Variants in PTPRN2 observed in about 807,000 individuals in gnomAD.
The protein encoded by PTPRN2 is receptor-type tyrosine-protein phosphatase N2.
PTPRN2 carries 74 observed loss-of-function variants against 118.8 expected under a neutral mutation model. The ratio of observed to expected loss-of-function variants is 0.62; its 90% CI spans 0.52 to 0.76. The LOEUF (loss-of-function observed/expected upper bound fraction) is 0.76, where lower values mean the gene tolerates loss of function less well. PTPRN2 is among the 30% of genes least tolerant of loss of function. The pLI, the probability that PTPRN2 is intolerant of heterozygous loss-of-function variation, is 0.00. For missense variants in PTPRN2, 1,481 were observed against 1,394.4 expected (o/e 1.06, Z -0.99); for synonymous variants, 641 against 608.0 (o/e 1.05, Z -0.80).
chr7:157,869,388 T>G lies in PTPRN2; in HGVS notation c.1788+29285A>C, dbSNP rs1810916275. On this transcript the variant is annotated intron_variant, in intron 12 of 22. Transcript: ENST00000389418. This position sits in a 1 kb window ranked among gnomAD's most constrained non-coding sequence, Gnocchi z 4.2. ...GAAAAAGTTTACATTTTTCCTGAGT[T>G]AGCAGACAAATATAAGGGGACTTCA... Among the ~76,000 whole-genome samples the G allele has an allele frequency of 6.6e-6, 1 of 152,224 alleles. No homozygotes were observed. The highest frequency in any genetic ancestry group is 1.5e-5 in the Non-Finnish European group (1 of 68,044).
At chr7:158,082,550 C>G (rs796786324) in intron 10 of PTPRN2, among the ~76,000 whole-genome samples, 10 of 152,334 alleles carry the variant, frequency 6.6e-5, no homozygotes, top group African/African-American at 2.4e-4. Context: ...AACACCATGG[C>G]TGAATATTCC....
intron 12 of PTPRN2, among the ~76,000 whole-genome samples, chr7:157,827,785 G>A (rs981768145): frequency 2.0e-5 from 3 of 152,234 alleles, no homozygotes; most frequent in African/African-American, 7.2e-5. Context: ...CTGAGCTGCC[G>A]GCCCCGCCCT....
intron 12 of PTPRN2, among the ~76,000 whole-genome samples, chr7:157,836,421 T>C (rs1266374647): frequency 6.6e-6 from 1 of 152,240 alleles, no homozygotes; most frequent in Non-Finnish European, 1.5e-5. Context: ...ATAGATTGAA[T>C]GTATGCCCAA....
At chr7:157,604,151 G>T (rs1801866931) in intron 15 of PTPRN2, 76 bp from the exon 16 acceptor site, 4 of 1,374,220 alleles carry the variant, frequency 2.9e-6, no homozygotes, top group Admixed American at 1.7e-5. Context: ...GGCCTCCAGG[G>T]CCCCCCACCC....
chr7:157,896,929 T>C (rs1797164922), intron 12 of PTPRN2, among the ~76,000 whole-genome samples: 1 of 151,504 alleles, frequency 6.6e-6, no homozygotes, highest in East Asian at 1.9e-4. Flanking sequence ...CCATTCCCCG[T>C]CCCCCACCCT....
intron 11 of PTPRN2, among the ~76,000 whole-genome samples, chr7:157,950,446 T>A (rs1800736592): frequency 6.6e-6 from 1 of 152,178 alleles, no homozygotes; most frequent in Non-Finnish European, 1.5e-5. Context: ...TCTAAAATGT[T>A]CAGATATGTA....
chr7:157,831,255 TG>T lies in PTPRN2; in HGVS notation c.1788+67417del, dbSNP rs1053729323. On this transcript the variant is annotated intron_variant, in intron 12 of 22. Coordinates refer to ENST00000389418, the MANE Select transcript of PTPRN2 (RefSeq NM_002847.5). This position sits in a 1 kb window ranked among gnomAD's most constrained non-coding sequence, Gnocchi z 4.8. ...GGAAGTCCAGAGACAGAAGCCCCCA[TG>T]GTGCAGGCCTGTCCCAGCGACCTGT... 2.6e-5 allele frequency among the ~76,000 whole-genome samples: 4 copies of T among 152,170 alleles called. No individual in the cohort carries two copies. The highest frequency in any genetic ancestry group is 5.9e-5 in the Non-Finnish European group (4 of 68,020).
In PTPRN2 at chr7:157,540,461, AT is replaced by A. The variant is rs1343586886; in HGVS notation, c.*252del. On this transcript the variant is annotated 3_prime_UTR_variant, in exon 23 of 23. Coordinates refer to ENST00000389418, the MANE Select transcript of PTPRN2 (RefSeq NM_002847.5). ...GTGAACGGGTGCTTTAAGAAAAAGT[AT>A]TTTTTTTAAGCAAGTGAAAATTGAT... is the stretch of plus-strand genomic sequence containing the variant. 1.7e-4 allele frequency: 65 copies of A among 389,162 alleles called. No individual in the cohort carries two copies. The highest frequency in any genetic ancestry group is 2.0e-4 in the Non-Finnish European group (43 of 217,796). The allele number at this position is 389,162 out of a possible 1,614,324, so 24.1% of individuals were successfully genotyped here.
At chr7:157,806,910 T>G (rs1320245103) in intron 12 of PTPRN2, among the ~76,000 whole-genome samples, 1 of 152,214 alleles carries the variant, frequency 6.6e-6, no homozygotes, top group Non-Finnish European at 1.5e-5. Flanking sequence ...GACCTGCACC[T>G]CAGCAGCACC....
At chr7:158,371,601 G>A (rs980213099) in intron 2 of PTPRN2, among the ~76,000 whole-genome samples, 2 of 152,076 alleles carry the variant, frequency 1.3e-5, no homozygotes, top group African/African-American at 4.8e-5. Context: ...GCTTGAGAGA[G>A]GAACTTTATG....
intron 15 of PTPRN2, among the ~76,000 whole-genome samples, chr7:157,614,702 A>G (rs1802642659): frequency 6.6e-6 from 1 of 152,154 alleles, no homozygotes; most frequent in Non-Finnish European, 1.5e-5. Flanking sequence ...CAGGGCCTCT[A>G]GAGAGGCCAG....
chr7:158,270,524 G>T (rs1798241536), intron 3 of PTPRN2, among the ~76,000 whole-genome samples: 1 of 152,086 alleles, frequency 6.6e-6, no homozygotes, highest in Non-Finnish European at 1.5e-5. Flanking sequence ...CTCTGCCTAT[G>T]ACCAGGCCAG....
chr7:158,018,376 T>C (rs1806598014), intron 11 of PTPRN2, among the ~76,000 whole-genome samples: 1 of 148,840 alleles, frequency 6.7e-6, no homozygotes, highest in African/African-American at 2.4e-5. Context: ...GTAGCGTGCA[T>C]GCTCTGATGG....
intron 12 of PTPRN2, among the ~76,000 whole-genome samples, chr7:157,875,244 G>C (rs1005079419): frequency 6.6e-6 from 1 of 152,218 alleles, no homozygotes; most frequent in Non-Finnish European, 1.5e-5. Context: ...GGTCCAGACC[G>C]TGCTGTCCTG....
intron 13 of PTPRN2, among the ~76,000 whole-genome samples, chr7:157,675,629 C>A (rs376422946): frequency 5.3e-5 from 8 of 152,188 alleles, no homozygotes; most frequent in Admixed American, 2.6e-4. Flanking sequence ...AGGAAGTGTG[C>A]GGAAACGGGT....
rs1827500734 is a variant in PTPRN2 at position 158,563,399 on chromosome 7, G to T, written c.112+24159C>A. 1.3e-5 allele frequency among the ~76,000 whole-genome samples: 2 copies of T among 152,232 alleles called. No individual in the cohort carries two copies. Among genetic ancestry groups the T allele is most frequent in the South Asian group, 4.1e-4 (2 of 4,832 alleles). ...ATCACAAAATGCAAGTCTTATTACT[G>T]CAGCAGTTTGCAAGTTGGCCGTGAT... On this transcript the variant is annotated intron_variant, in intron 1 of 22. Coordinates refer to ENST00000389418, the MANE Select transcript of PTPRN2 (RefSeq NM_002847.5). The surrounding 1 kb of genome is among the most constrained non-coding windows in gnomAD (Gnocchi z 5.1).
intron 3 of PTPRN2, among the ~76,000 whole-genome samples, chr7:158,251,087 G>A (rs565831832): frequency 2.8e-4 from 42 of 152,234 alleles, no homozygotes; most frequent in African/African-American, 9.9e-4. Context: ...AAATCCTAAT[G>A]CATAGAAAGG....
chr7:157,953,552 C>G lies in PTPRN2; in HGVS notation c.1724-54815G>C, dbSNP rs146519054. Among the ~76,000 whole-genome samples, 172 of 152,282 alleles carry G rather than the reference C, an allele frequency of 1.1e-3. No homozygotes were observed. The highest frequency in any genetic ancestry group is 4.0e-3 in the African/African-American group (168 of 41,568). ...GCTGCTGTCTGTGCTGCCCTGCAAC[C>G]TGGATCCACATGGCTGGAGGTCCGG... On this transcript the variant is annotated intron_variant, in intron 11 of 22. Transcript: ENST00000389418. The surrounding 1 kb of genome is among the most constrained non-coding windows in gnomAD (Gnocchi z 4.6).
At chr7:158,340,414 C>A (rs1351062553) in intron 2 of PTPRN2, among the ~76,000 whole-genome samples, 1 of 69,762 alleles carries the variant, frequency 1.4e-5, no homozygotes, top group Non-Finnish European at 3.1e-5. Flanking sequence ...CCGCAGACGT[C>A]ACTCACACAC....
Sources: gnomAD v4.1 joint callset for allele counts (sites outside exome capture counted in the v4.1 genomes callset) on GRCh38, gnomAD v4.1.1 for gene constraint, Gnocchi (gnomAD v3.1) non-coding constraint, MANE v1.5 for transcripts, NCBI Gene and HGNC (gene_info 2026-07-23, HGNC 2026-07-21) for gene names.